MRPS27: variants seen among roughly 807,000 people sequenced by gnomAD.
MRPS27 encodes the protein small ribosomal subunit protein mS27.
A neutral mutation model predicts 48.9 loss-of-function variants in MRPS27; 43 were observed. That is an observed-to-expected ratio of 0.88 (90% CI 0.69 to 1.13). MRPS27 has a LOEUF of 1.13. Among genes scored for constraint, MRPS27 ranks in the 50% most tolerant of loss-of-function variants. MRPS27 has a pLI of 0.00. For synonymous variants in MRPS27, 188 were observed against 171.9 expected, an observed-to-expected ratio of 1.09 and a Z score of -0.73; for missense variants, 467 against 476.3, an observed-to-expected ratio of 0.98 and a Z score of 0.18.
intron 5 of MRPS27, among the ~76,000 whole-genome samples, chr5:72,234,488 G>C (rs1255502986): frequency 1.3e-5 from 2 of 151,298 alleles, no homozygotes; most frequent in Non-Finnish European, 3.0e-5. Flanking sequence ...AAACATAAAA[G>C]AAAAAAGAAA....
intron 2 of MRPS27, among the ~76,000 whole-genome samples, chr5:72,300,089 C>T (rs1750088370): frequency 6.6e-6 from 1 of 152,200 alleles, no homozygotes; most frequent in Non-Finnish European, 1.5e-5. Flanking sequence ...GCTGTTACTA[C>T]CTCCTGAGCT....
chr5:72,253,197 G>T (rs1748713263), intron 4 of MRPS27, among the ~76,000 whole-genome samples: 1 of 152,068 alleles, frequency 6.6e-6, no homozygotes, highest in Middle Eastern at 3.2e-3. Flanking sequence ...CATTACTTTT[G>T]TTTTCTAACT....
At chr5:72,237,663 C>T (rs867203760) in intron 5 of MRPS27, among the ~76,000 whole-genome samples, 3 of 152,036 alleles carry the variant, frequency 2.0e-5, no homozygotes, top group South Asian at 4.1e-4. Context: ...ACTCCAAAGA[C>T]ACAGGAGCAA....
At chr5:72,237,953 G>A in intron 5 of MRPS27, 61 bp downstream of exon 5, 1 of 1,202,978 alleles carries the variant, frequency 8.3e-7, no homozygotes, top group Non-Finnish European at 1.2e-6. Context: ...ACTACAATAG[G>A]TACAAACACC....
In MRPS27 at chr5:72,242,665, T is replaced by TACACACACACACACAC. The variant is rs57589095; in HGVS notation, c.282-4553_282-4538dup. ...CTAGGCAACACAGCGAGACCCCGTCTACACACACACACACACACACACACA... is the reference window on the plus strand; with the variant it reads ...CTAGGCAACACAGCGAGACCCCGTCTACACACACACACACACACACACACACACACACACACACACA... On this transcript the variant is annotated intron_variant, in intron 4 of 10. Transcript: ENST00000261413. Among the ~76,000 whole-genome samples the TACACACACACACACAC allele has an allele frequency of 6.3e-3, 846 of 134,264 alleles. 5 individuals carry two copies. Among genetic ancestry groups the TACACACACACACACAC allele is most frequent in the African/African-American group, 0.011 (357 of 33,626 alleles). The allele number at this position is 134,264 out of a possible 152,430, so 88.1% of individuals were successfully genotyped here.
chr5:72,293,369 C>T (rs546645262), intron 4 of MRPS27, among the ~76,000 whole-genome samples: 8 of 150,030 alleles, frequency 5.3e-5, no homozygotes, highest in Non-Finnish European at 1.0e-4. Flanking sequence ...CTAAGATAAA[C>T]GATAAATCAT....
At chr5:72,286,152 C>T (rs1561354743) in intron 4 of MRPS27, among the ~76,000 whole-genome samples, 1 of 151,952 alleles carries the variant, frequency 6.6e-6, no homozygotes, top group Admixed American at 6.6e-5. Flanking sequence ...GATATTGTTC[C>T]TAATGTCTCT....
chr5:72,285,287 T>C (rs899260724), intron 4 of MRPS27, among the ~76,000 whole-genome samples: 3 of 152,226 alleles, frequency 2.0e-5, no homozygotes, highest in Non-Finnish European at 4.4e-5. Context: ...TCCTGTTTCC[T>C]CTACTCATCT....
At chr5:72,273,175 T>C (rs762261318) in intron 4 of MRPS27, among the ~76,000 whole-genome samples, 17 of 152,170 alleles carry the variant, frequency 1.1e-4, no homozygotes, top group Non-Finnish European at 2.1e-4. Flanking sequence ...AGTGGATTGA[T>C]CTAGGGGTAG....
chr5:72,248,382 T>C (rs1185832139), intron 4 of MRPS27, among the ~76,000 whole-genome samples: 2 of 152,026 alleles, frequency 1.3e-5, no homozygotes, highest in Non-Finnish European at 2.9e-5. Flanking sequence ...AAGTTCCGGG[T>C]TCATCTGTTC....
chr5:72,259,846 C>T (rs1748919788), intron 4 of MRPS27, among the ~76,000 whole-genome samples: 2 of 151,998 alleles, frequency 1.3e-5, no homozygotes, highest in Non-Finnish European at 2.9e-5. Context: ...TATGTGTTTC[C>T]ATGAAAATAG....
chr5:72,237,942 T>G (rs1488575258), intron 5 of MRPS27, 72 bp downstream of exon 5: 2 of 1,055,082 alleles, frequency 1.9e-6, no homozygotes, highest in African/African-American at 3.1e-5. Flanking sequence ...TTCTTTGCTG[T>G]ACTACAATAG....
chr5:72,311,563 G>C (rs1470969713), intron 2 of MRPS27, among the ~76,000 whole-genome samples: 1 of 152,102 alleles, frequency 6.6e-6, no homozygotes, highest in African/African-American at 2.4e-5. Context: ...CACGGAAGTG[G>C]GACTGGTGGC....
In MRPS27 at chr5:72,278,992, T is replaced by C. The variant is rs140331504; in HGVS notation, c.281+16539A>G. Among the ~76,000 whole-genome samples, 6 of 152,338 alleles carry C rather than the reference T, an allele frequency of 3.9e-5. No homozygotes were observed. In the East Asian group the frequency reaches 1.2e-3, roughly 29 times the overall value. On this transcript the variant is annotated intron_variant, in intron 4 of 10. Coordinates refer to ENST00000261413, the MANE Select transcript of MRPS27 (RefSeq NM_015084.3). ...ATCCTTATACAAGCCAGAGTTCCTT[T>C]AAGGTATATACCCCAGAGCAGAAGG...
intron 5 of MRPS27, among the ~76,000 whole-genome samples, chr5:72,235,163 G>A (rs1231364766): frequency 1.3e-5 from 2 of 152,094 alleles, no homozygotes; most frequent in Non-Finnish European, 2.9e-5. Flanking sequence ...CTGTTTTAAA[G>A]GTTGTAGCTC....
chr5:72,258,113 A>G (rs17310329), intron 4 of MRPS27, among the ~76,000 whole-genome samples: 34,496 of 150,082 alleles, frequency 0.23, 5,091 homozygotes, highest in Non-Finnish European at 0.33. Flanking sequence ...AGAATTGGAG[A>G]ATGACTGGGA....
chr5:72,294,559 G>A (rs1749926556), intron 4 of MRPS27: 2 of 152,130 alleles, frequency 1.3e-5, no homozygotes, highest in African/African-American at 4.8e-5. Context: ...ATACTTGTTT[G>A]ACCAGTTCTT....
chr5:72,272,103 T>C (rs1000344934), intron 4 of MRPS27, among the ~76,000 whole-genome samples: 4 of 152,184 alleles, frequency 2.6e-5, no homozygotes, highest in Non-Finnish European at 5.9e-5. Flanking sequence ...CTGCCACATT[T>C]TAAAGATCAA....
intron 4 of MRPS27, among the ~76,000 whole-genome samples, chr5:72,271,989 T>C (rs1161541731): frequency 6.6e-6 from 1 of 152,196 alleles, no homozygotes; most frequent in Non-Finnish European, 1.5e-5. Context: ...TCAGGAGTTA[T>C]TTTAAGCTCT....
Sources: gnomAD v4.1 joint callset for allele counts (sites outside exome capture counted in the v4.1 genomes callset) on GRCh38, gnomAD v4.1.1 for gene constraint, MANE v1.5 for transcripts, NCBI Gene and HGNC (gene_info 2026-07-23, HGNC 2026-07-21) for gene names.